Variants in CACNA1G observed in about 807,000 individuals in gnomAD.
The protein encoded by CACNA1G is voltage-dependent T-type calcium channel subunit alpha-1G.
A neutral mutation model predicts 219.4 loss-of-function variants in CACNA1G; 67 were observed. The ratio of observed to expected loss-of-function variants is 0.31; its 90% CI spans 0.25 to 0.37. CACNA1G has a LOEUF of 0.37. Ranked by LOEUF, CACNA1G falls within the 10% of genes least tolerant of loss-of-function variation. The pLI is 1.00. For missense variants in CACNA1G, 2,380 were observed against 3,231.4 expected (o/e 0.74, Z 6.39); for synonymous variants, 1,296 against 1,345.3 (o/e 0.96, Z 0.80).
intron 26 of CACNA1G, among the ~76,000 whole-genome samples, chr17:50,614,005 T>C (rs1598684597): frequency 6.6e-6 from 1 of 152,286 alleles, no homozygotes; most frequent in African/African-American, 2.4e-5. Flanking sequence ...CGCAGCAGAG[T>C]GCCGGGGACT....
chr17:50,571,376 G>A lies in CACNA1G; in HGVS notation c.587-502G>A, dbSNP rs1320649921. 6.6e-6 allele frequency among the ~76,000 whole-genome samples: 1 copy of A among 152,156 alleles called. No homozygotes were observed. The highest frequency in any genetic ancestry group is 2.4e-5 in the African/African-American group (1 of 41,416). ...ACTCTGGTGGTGATAACTTAGAAAG[G>A]TCAAGTGACTGTGCCTGTTGAGAGA... On this transcript the variant is annotated intron_variant, in intron 4 of 37. Coordinates refer to ENST00000359106, the MANE Select transcript of CACNA1G (RefSeq NM_018896.5). The surrounding 1 kb of genome is among the most constrained non-coding windows in gnomAD (Gnocchi z 4.3).
intron 34 of CACNA1G, among the ~76,000 whole-genome samples, chr17:50,620,429 C>G (rs1026315656): frequency 6.6e-6 from 1 of 152,194 alleles, no homozygotes; most frequent in Non-Finnish European, 1.5e-5. Flanking sequence ...GACTTGGCTT[C>G]CTGCCCAAGC....
chr17:50,565,386 G>GGGT (rs199747975), intron 1 of CACNA1G, among the ~76,000 whole-genome samples: 1 of 143,128 alleles, frequency 7.0e-6, no homozygotes, highest in African/African-American at 2.5e-5. Context: ...GTGGGGTGGG[G>GGGT]CGGGGGGTTC....
In CACNA1G at chr17:50,596,970, A is replaced by G. The variant is rs769184066; in HGVS notation, c.3258+47A>G. The G allele has an allele frequency of 4.1e-6, 6 of 1,455,234 alleles. No individual in the cohort carries two copies. Among genetic ancestry groups the G allele is most frequent in the Non-Finnish European group, 4.6e-6 (5 of 1,092,260 alleles). The allele number at this position is 1,455,234 out of a possible 1,614,324, so 90.1% of individuals were successfully genotyped here. ...CCTGATGGTGGGAGATATTCCAAGG[A>G]GGACAGGAGGAAGAGAGGATGGAGG... On this transcript the variant is annotated intron_variant, in intron 16 of 37. Coordinates refer to ENST00000359106, the MANE Select transcript of CACNA1G (RefSeq NM_018896.5). This position sits in a 1 kb window ranked among gnomAD's most constrained non-coding sequence, Gnocchi z 4.8.
chr17:50,590,035 G>A (rs1423985993), intron 9 of CACNA1G, among the ~76,000 whole-genome samples: 1 of 152,136 alleles, frequency 6.6e-6, no homozygotes, highest in Admixed American at 6.5e-5. Context: ...GTGACGTTGT[G>A]TGGGGCTTGA....
chr17:50,604,309 G>A (rs1436064240), intron 22 of CACNA1G, 28 bp downstream of exon 22: 2 of 1,609,996 alleles, frequency 1.2e-6, no homozygotes, highest in South Asian at 1.1e-5. Context: ...GGCCAGCTGT[G>A]GGTGAAAGCC....
intron 1 of CACNA1G, 83 bp downstream of exon 1, chr17:50,561,784 CA>C: frequency 7.2e-7 from 1 of 1,382,886 alleles, no homozygotes; most frequent in Non-Finnish European, 9.4e-7. Flanking sequence ...GAAGAAGACC[CA>C]CCGCCAGGTG....
At chr17:50,574,193 A>G (rs138491936) in intron 7 of CACNA1G, among the ~76,000 whole-genome samples, 10 of 151,322 alleles carry the variant, frequency 6.6e-5, no homozygotes, top group Admixed American at 2.6e-4. Context: ...GGGGCTGAGA[A>G]TTCAGTCCCA....
Position 50,571,760 on chromosome 17 carries a change from G to C in CACNA1G, c.587-118G>C, listed in dbSNP as rs2039485180. On this transcript the variant is annotated intron_variant, in intron 4 of 37. Transcript: ENST00000359106. The surrounding 1 kb of genome is among the most constrained non-coding windows in gnomAD (Gnocchi z 4.3). ...TCTGTTGGTCTCCCCTCCAGCTTGA[G>C]CCGGGCCGTCTCAGCCTCAGAGTCC... is the stretch of plus-strand genomic sequence containing the variant. 2 of 989,040 alleles carry C rather than the reference G, an allele frequency of 2.0e-6. No individual in the cohort carries two copies. Among genetic ancestry groups the C allele is most frequent in the Non-Finnish European group, 3.1e-6 (2 of 655,466 alleles). The allele number at this position is 989,040 out of a possible 1,614,324, so 61.3% of individuals were successfully genotyped here. A position where few individuals can be genotyped will look rare whatever the true frequency, so the allele number is the denominator to read the frequency against.
chr17:50,602,324 T>C (rs1005077631), intron 19 of CACNA1G, among the ~76,000 whole-genome samples: 1 of 152,230 alleles, frequency 6.6e-6, no homozygotes, highest in Non-Finnish European at 1.5e-5. Flanking sequence ...CTAGATGGCC[T>C]TCCTCCCTGC....
In CACNA1G at chr17:50,575,728, C is replaced by T. The variant is rs773233165; in HGVS notation, c.1326C>T (p.Tyr442=). 7.5e-6 allele frequency: 12 copies of T among 1,591,276 alleles called. No homozygotes were observed. The highest frequency in any genetic ancestry group is 1.3e-5 in the African/African-American group (1 of 74,462). ...AGGAGCTGCTCAAGTACCTGGTGTA[C>T]ATCCTTCGTAAGGCAGCCCGCAGGC... The part of the protein sequence containing the change: ...CYEELLKYLV[Y]ILRKAARRLA... The change falls in exon 8 of 38, where the codon TAC becomes TAT. Residue 442 remains tyrosine, a synonymous_variant. Transcript: ENST00000359106.
chr17:50,587,387 T>C (rs903059938), intron 9 of CACNA1G, among the ~76,000 whole-genome samples: 6 of 152,190 alleles, frequency 3.9e-5, no homozygotes, highest in Non-Finnish European at 8.8e-5. Context: ...TGGCCTGTGG[T>C]GGGCACTGCC....
chr17:50,582,460 G>C (rs1463639927), intron 9 of CACNA1G, among the ~76,000 whole-genome samples: 1 of 152,184 alleles, frequency 6.6e-6, no homozygotes, highest in Admixed American at 6.5e-5. Context: ...TGACTCCCAG[G>C]TTTCTACCTG....
chr17:50,616,233 TG>T, intron 27 of CACNA1G, 41 bp from the exon 28 acceptor site: 2 of 1,276,810 alleles, frequency 1.6e-6, no homozygotes, highest in Non-Finnish European at 2.3e-6. Flanking sequence ...GCCCCAGCCC[TG>T]GGCCTTAAGG....
intron 3 of CACNA1G, 22 bp downstream of exon 3, chr17:50,569,320 G>A (rs769603658): frequency 1.9e-6 from 3 of 1,612,584 alleles, no homozygotes; most frequent in Admixed American, 3.3e-5. Context: ...GGCTGGGGTG[G>A]GAGAGCAATG....
chr17:50,572,870 C>T lies in CACNA1G; in HGVS notation c.1047+16C>T, dbSNP rs753981131. 1.2e-6 allele frequency: 2 copies of T among 1,606,762 alleles called. No individual in the cohort carries two copies. Among genetic ancestry groups the T allele is most frequent in the South Asian group, 1.1e-5 (1 of 90,286 alleles). On this transcript the variant is annotated intron_variant, in intron 6 of 37. Coordinates refer to ENST00000359106, the MANE Select transcript of CACNA1G (RefSeq NM_018896.5). ...CATCTTCCAGGTGGGGCAGCCTGGG[C>T]CCCGGGAGCTTCCCCAGAACACCAG...
chr17:50,568,851 T>C lies in CACNA1G; in HGVS notation c.243-19T>C. 6.2e-7 allele frequency: 1 copy of C among 1,607,318 alleles called. No individual in the cohort carries two copies. The highest frequency in any genetic ancestry group is 8.5e-7 in the Non-Finnish European group (1 of 1,174,640). On this transcript the variant is annotated intron_variant, in intron 1 of 37. Coordinates refer to ENST00000359106, the MANE Select transcript of CACNA1G (RefSeq NM_018896.5). ...CCTCAGCTCCAGCCTTGGCCAGCTG[T>C]TTCCTTGACTGCCAGTACCTGGTTT...
At chr17:50,581,628 G>A (rs2041988793) in intron 9 of CACNA1G, among the ~76,000 whole-genome samples, 1 of 152,234 alleles carries the variant, frequency 6.6e-6, no homozygotes, top group Non-Finnish European at 1.5e-5. Context: ...GCCCCATGCT[G>A]TCCTCTGTCT....
rs940927984 is a variant in CACNA1G at position 50,596,330 on chromosome 17, T to G, written c.2980-232T>G. 6.6e-6 allele frequency among the ~76,000 whole-genome samples: 1 copy of G among 152,176 alleles called. No homozygotes were observed. The highest frequency in any genetic ancestry group is 6.5e-5 in the Admixed American group (1 of 15,290). Reference sequence around the variant, plus strand: ...AGGCTGGTTGTGCTGTGGGCTCACATAAGCTGTGGCCTTTTCTGAGGTGTG... The same window carrying G: ...AGGCTGGTTGTGCTGTGGGCTCACAGAAGCTGTGGCCTTTTCTGAGGTGTG... On this transcript the variant is annotated intron_variant, in intron 14 of 37. Coordinates refer to ENST00000359106, the MANE Select transcript of CACNA1G (RefSeq NM_018896.5). The surrounding 1 kb of genome is among the most constrained non-coding windows in gnomAD (Gnocchi z 4.8).
Sources: gnomAD v4.1 joint callset for allele counts (sites outside exome capture counted in the v4.1 genomes callset) on GRCh38, gnomAD v4.1.1 for gene constraint, Gnocchi (gnomAD v3.1) non-coding constraint, MANE v1.5 for transcripts, NCBI Gene and HGNC (gene_info 2026-07-23, HGNC 2026-07-21) for gene names.